LARGE1: variants seen among roughly 807,000 people sequenced by gnomAD.
LARGE1 encodes LARGE xylosyl- and glucuronyltransferase 1, also known as xylosyl- and glucuronyltransferase LARGE1.
In LARGE1, 43 loss-of-function variants were observed where a neutral mutation model predicts 87.6. The observed-to-expected ratio is 0.49, with a 90% CI of 0.38 to 0.63. LARGE1 has a LOEUF of 0.63. Ranked by LOEUF, LARGE1 falls within the 30% of genes least tolerant of loss-of-function variation. The pLI is 0.00. For missense variants in LARGE1, 802 were observed against 1,000.2 expected (o/e 0.80, Z 2.67); for synonymous variants, 434 against 394.6 (o/e 1.10, Z -1.18).
intron 7 of LARGE1, among the ~76,000 whole-genome samples, chr22:33,408,418 T>C (rs966533413): frequency 1.3e-5 from 2 of 152,218 alleles, no homozygotes; most frequent in Admixed American, 6.5e-5. Flanking sequence ...TGCACACATG[T>C]TTTTGTGTAA....
At chr22:33,249,832 A>G (rs1347938886) in intron 11 of LARGE1, among the ~76,000 whole-genome samples, 2 of 152,190 alleles carry the variant, frequency 1.3e-5, no homozygotes, top group African/African-American at 4.8e-5. Flanking sequence ...TCCTTTGTCA[A>G]AGATCAGCTG....
intron 9 of LARGE1, among the ~76,000 whole-genome samples, chr22:33,347,047 A>G (rs1223177003): frequency 6.6e-6 from 1 of 152,208 alleles, no homozygotes; most frequent in Non-Finnish European, 1.5e-5. Flanking sequence ...TTGCTCTCCT[A>G]TGAGCCAGTG....
intron 1 of LARGE1, among the ~76,000 whole-genome samples, chr22:33,765,518 A>G (rs2084872512): frequency 6.6e-6 from 1 of 152,032 alleles, no homozygotes; most frequent in African/African-American, 2.4e-5. Context: ...CGCCTAGCCA[A>G]CATAGTGAAA....
chr22:33,513,812 T>TACAC (rs56262022), intron 6 of LARGE1, among the ~76,000 whole-genome samples: 1,848 of 143,218 alleles, frequency 0.013, 19 homozygotes, highest in Middle Eastern at 0.029. Context: ...AGAGCTGATG[T>TACAC]ACACACACAC....
At chr22:33,194,474 GGAGA>G (rs1165203764) in intron 11 of LARGE1, among the ~76,000 whole-genome samples, 1 of 152,098 alleles carries the variant, frequency 6.6e-6, no homozygotes, top group African/African-American at 2.4e-5. Flanking sequence ...GTTTAGAGAT[GGAGA>G]GTTTATTCAA....
At chr22:33,816,914 C>T (rs2086670808) in intron 1 of LARGE1, among the ~76,000 whole-genome samples, 1 of 152,072 alleles carries the variant, frequency 6.6e-6, no homozygotes, top group South Asian at 2.1e-4. Flanking sequence ...CCTCTAAGTG[C>T]CTCTCTCACT....
At chr22:33,506,380 A>G (rs889341355) in intron 6 of LARGE1, among the ~76,000 whole-genome samples, 1 of 152,122 alleles carries the variant, frequency 6.6e-6, no homozygotes, top group Non-Finnish European at 1.5e-5. Context: ...CAGAGCAGGG[A>G]TCTGGCATCA....
the LARGE1 span, among the ~76,000 whole-genome samples, chr22:33,114,175 C>T: frequency 0.31 from 46,765 of 151,812 alleles, 7,469 homozygotes; most frequent in Non-Finnish European, 0.34. Flanking sequence ...CGCGCCCGGC[C>T]GAAAACTGGA....
At chr22:33,307,235 T>C (rs1935032366) in intron 11 of LARGE1, among the ~76,000 whole-genome samples, 1 of 152,192 alleles carries the variant, frequency 6.6e-6, no homozygotes, top group Non-Finnish European at 1.5e-5. Context: ...AACTATAATA[T>C]TGAGATTGTC....
intron 1 of LARGE1, among the ~76,000 whole-genome samples, chr22:33,863,221 A>T (rs571941225): frequency 5.9e-5 from 9 of 152,106 alleles, no homozygotes; most frequent in Non-Finnish European, 2.9e-5. Context: ...CACTTCCCTC[A>T]TTTCTGAAAT....
At chr22:33,465,685 C>A (rs1185293870) in intron 6 of LARGE1, among the ~76,000 whole-genome samples, 2 of 152,186 alleles carry the variant, frequency 1.3e-5, no homozygotes, top group African/African-American at 2.4e-5. Context: ...AGGGAAGGAA[C>A]TGCATTCTAC....
At chr22:33,760,308 A>G (rs1200408898) in intron 2 of LARGE1, among the ~76,000 whole-genome samples, 1 of 152,220 alleles carries the variant, frequency 6.6e-6, no homozygotes, top group African/African-American at 2.4e-5. Context: ...CTGGCTAGAA[A>G]AATGGTGAGT....
chr22:33,694,121 T>C (rs1026866550), intron 2 of LARGE1, among the ~76,000 whole-genome samples: 1 of 152,152 alleles, frequency 6.6e-6, no homozygotes, highest in African/African-American at 2.4e-5. Context: ...GCTTGTCAAA[T>C]GACATGTTAG....
At chr22:33,578,159 G>A (rs751754108) in intron 5 of LARGE1, among the ~76,000 whole-genome samples, 1 of 152,174 alleles carries the variant, frequency 6.6e-6, no homozygotes, top group Non-Finnish European at 1.5e-5. Flanking sequence ...GGTTGTCAAG[G>A]CAACCAGATT....
chr22:33,752,663 A>G (rs554798605), intron 2 of LARGE1, among the ~76,000 whole-genome samples: 8 of 152,342 alleles, frequency 5.3e-5, no homozygotes, highest in African/African-American at 1.7e-4. Flanking sequence ...GAAGGATGAG[A>G]TGTCCATATG....
intron 1 of LARGE1, among the ~76,000 whole-genome samples, chr22:33,837,258 AC>A (rs2063136272): frequency 5.9e-5 from 1 of 16,824 alleles, no homozygotes; most frequent in African/African-American, 2.5e-4. Flanking sequence ...TATTACATAT[AC>A]ACACACACAC....
chr22:33,393,971 A>G (rs2065624904), intron 7 of LARGE1, among the ~76,000 whole-genome samples: 1 of 152,126 alleles, frequency 6.6e-6, no homozygotes, highest in Non-Finnish European at 1.5e-5. Context: ...TTTTAGCAAC[A>G]GCTCAGTAAT....
chr22:33,526,629 G>A (rs1262937002), intron 6 of LARGE1, among the ~76,000 whole-genome samples: 5 of 152,236 alleles, frequency 3.3e-5, no homozygotes, highest in East Asian at 1.9e-4. Context: ...CTGGACAGGC[G>A]CTGGGAAGAG....
chr22:33,909,200 C>T (rs575207738), intron 1 of LARGE1, among the ~76,000 whole-genome samples: 1 of 152,250 alleles, frequency 6.6e-6, no homozygotes, highest in South Asian at 2.1e-4. Flanking sequence ...TTACAGTGGG[C>T]AATGAAAGCC....
Sources: allele counts gnomAD v4.1 joint callset (sites outside exome capture counted in the v4.1 genomes callset), GRCh38; gene constraint gnomAD v4.1.1; transcripts MANE v1.5; gene names NCBI Gene and HGNC (gene_info 2026-07-23, HGNC 2026-07-21).